Variants in GALNTL6 observed in about 807,000 individuals in gnomAD.
GALNTL6 encodes the protein polypeptide N-acetylgalactosaminyltransferase like 6.
In GALNTL6, 46 loss-of-function variants were observed where a neutral mutation model predicts 73.7. The ratio of observed to expected loss-of-function variants is 0.62; its 90% CI spans 0.49 to 0.80. The LOEUF (loss-of-function observed/expected upper bound fraction) is 0.80. Among genes scored for constraint, GALNTL6 ranks in the 30% least tolerant of loss-of-function variants. GALNTL6 has a pLI of 0.00. For synonymous variants in GALNTL6, 259 were observed against 263.7 expected, an observed-to-expected ratio of 0.98 and a Z score of 0.17; for missense variants, 604 against 755.0, an observed-to-expected ratio of 0.80 and a Z score of 2.34.
At chr4:172,138,501 ATATATATATATATTTTTTTTTTTTTT>A (rs1733706892) in intron 2 of GALNTL6, among the ~76,000 whole-genome samples, 1 of 8,248 alleles carries the variant, frequency 1.2e-4, no homozygotes, top group Non-Finnish European at 2.7e-4. Flanking sequence ...ATATATATAT[ATATATATATATATTTTTTTTTTTTTT>A]TTTTTTTTTT....
chr4:172,247,756 G>A (rs930529081), intron 3 of GALNTL6, among the ~76,000 whole-genome samples: 2 of 152,080 alleles, frequency 1.3e-5, no homozygotes, highest in Non-Finnish European at 2.9e-5. Flanking sequence ...AGATACAGAT[G>A]ATTCTTCTTT....
At chr4:172,610,822 G>A (rs1254138602) in intron 5 of GALNTL6, among the ~76,000 whole-genome samples, 2 of 152,066 alleles carry the variant, frequency 1.3e-5, no homozygotes, top group African/African-American at 4.8e-5. Context: ...GGGAGTCTAA[G>A]GCTTTTTATA....
At chr4:172,162,647 T>TTAAAAAGATC (rs1734507462) in intron 2 of GALNTL6, among the ~76,000 whole-genome samples, 1 of 151,986 alleles carries the variant, frequency 6.6e-6, no homozygotes, top group Admixed American at 6.6e-5. Context: ...AAAGATTAAT[T>TTAAAAAGATC]TAAAAAGATC....
intron 7 of GALNTL6, among the ~76,000 whole-genome samples, chr4:172,873,101 A>G (rs1485434878): frequency 1.3e-5 from 2 of 152,238 alleles, no homozygotes; most frequent in Non-Finnish European, 2.9e-5. Flanking sequence ...TTATTAACCC[A>G]AGATTCATAA....
At chr4:172,634,079 T>C (rs1739534702) in intron 5 of GALNTL6, among the ~76,000 whole-genome samples, 1 of 152,216 alleles carries the variant, frequency 6.6e-6, no homozygotes, top group African/African-American at 2.4e-5. Context: ...CTCTCCCCAG[T>C]ATGACTAACC....
chr4:172,550,436 A>G (rs1333394831), intron 5 of GALNTL6, among the ~76,000 whole-genome samples: 1 of 152,160 alleles, frequency 6.6e-6, no homozygotes, highest in African/African-American at 2.4e-5. Context: ...GAAGTTTGTT[A>G]GAGATTTATA....
chr4:172,572,429 T>C (rs1317077636), intron 5 of GALNTL6, among the ~76,000 whole-genome samples: 1 of 152,172 alleles, frequency 6.6e-6, no homozygotes, highest in Non-Finnish European at 1.5e-5. Context: ...TTACATAACT[T>C]ACTCAGAGAC....
chr4:172,014,984 T>C (rs566365925), intron 2 of GALNTL6, among the ~76,000 whole-genome samples: 1 of 152,242 alleles, frequency 6.6e-6, no homozygotes, highest in African/African-American at 2.4e-5. Context: ...ATTATCTATG[T>C]TGGAAAATAT....
At chr4:172,567,762 G>C (rs1736611443) in intron 5 of GALNTL6, among the ~76,000 whole-genome samples, 1 of 152,118 alleles carries the variant, frequency 6.6e-6, no homozygotes, top group East Asian at 1.9e-4. Context: ...CTTGAAGCTG[G>C]TAGGTAGAGG....
chr4:172,176,452 A>G (rs975183245), intron 2 of GALNTL6, among the ~76,000 whole-genome samples: 1 of 151,952 alleles, frequency 6.6e-6, no homozygotes, highest in Non-Finnish European at 1.5e-5. Context: ...ATAAGTGAAG[A>G]CTTTAAATAC....
chr4:172,981,991 C>T (rs923903074), intron 10 of GALNTL6, among the ~76,000 whole-genome samples: 1 of 151,942 alleles, frequency 6.6e-6, no homozygotes, highest in Non-Finnish European at 1.5e-5. Flanking sequence ...GACGGGGTTT[C>T]TCCATGTTGG....
chr4:172,669,333 A>G (rs1731843773), intron 5 of GALNTL6: 1 of 152,196 alleles, frequency 6.6e-6, no homozygotes, highest in South Asian at 2.1e-4. Flanking sequence ...CCCCCACTTA[A>G]CTAAGACGTT....
intron 5 of GALNTL6, among the ~76,000 whole-genome samples, chr4:172,753,767 C>G (rs529854207): frequency 5.9e-4 from 89 of 151,474 alleles, no homozygotes; most frequent in African/African-American, 2.1e-3. Context: ...AGTTTAGTGT[C>G]TGGAGAAGCT....
chr4:172,556,730 T>C (rs146213102), intron 5 of GALNTL6, among the ~76,000 whole-genome samples: 102 of 149,290 alleles, frequency 6.8e-4, no homozygotes, highest in African/African-American at 2.5e-3. Context: ...CAGCAATGCC[T>C]GCTAGACCCA....
At chr4:171,939,253 G>T (rs1738447971) in intron 2 of GALNTL6, among the ~76,000 whole-genome samples, 1 of 151,864 alleles carries the variant, frequency 6.6e-6, no homozygotes, top group East Asian at 1.9e-4. Flanking sequence ...ATTGCTTCCT[G>T]CACTGATGAT....
chr4:172,330,956 A>G (rs1741103955), intron 4 of GALNTL6, among the ~76,000 whole-genome samples: 1 of 152,074 alleles, frequency 6.6e-6, no homozygotes, highest in Admixed American at 6.5e-5. Flanking sequence ...GATCAGCCTT[A>G]AATTCTAACC....
chr4:172,014,471 A>G (rs958332564), intron 2 of GALNTL6, among the ~76,000 whole-genome samples: 3 of 152,064 alleles, frequency 2.0e-5, no homozygotes, highest in African/African-American at 7.2e-5. Flanking sequence ...TTTGATTATC[A>G]ATGATGTCGA....
intron 5 of GALNTL6, among the ~76,000 whole-genome samples, chr4:172,437,504 G>T (rs761053471): frequency 3.9e-5 from 6 of 152,040 alleles, no homozygotes; most frequent in Non-Finnish European, 8.8e-5. Context: ...AGAAAGGAAA[G>T]AAAAAGAAAT....
At chr4:171,941,091 T>G (rs992395303) in intron 2 of GALNTL6, among the ~76,000 whole-genome samples, 3 of 152,132 alleles carry the variant, frequency 2.0e-5, no homozygotes, top group Admixed American at 1.3e-4. Flanking sequence ...TACTTCATTA[T>G]GTAATATCAT....
Sources: gnomAD v4.1 joint callset for allele counts (sites outside exome capture counted in the v4.1 genomes callset) on GRCh38, gnomAD v4.1.1 for gene constraint, MANE v1.5 for transcripts, NCBI Gene and HGNC (gene_info 2026-07-23, HGNC 2026-07-21) for gene names.